DPH6: variants seen among roughly 807,000 people sequenced by gnomAD.
The protein encoded by DPH6 is diphthamine biosynthesis 6, also known as diphthine--ammonia ligase.
Under a neutral mutation model 38.2 loss-of-function variants are expected in DPH6, and 33 were observed. That is an observed-to-expected ratio of 0.86 (90% confidence interval 0.65 to 1.15). The LOEUF is 1.15. Among genes scored for constraint, DPH6 ranks in the 50% most tolerant of loss-of-function variants. DPH6 has a pLI of 0.00. For synonymous variants in DPH6, 108 were observed against 103.0 expected (o/e 1.05, Z -0.30); for missense variants, 325 against 320.0 (o/e 1.02, Z -0.12).
At chr15:35,298,781 GGGTT>G (rs1478991928) in intron 3 of DPH6, 2 of 1,275,224 alleles carry the variant, frequency 1.6e-6, no homozygotes, top group East Asian at 4.6e-5. Context: ...GCGCTGGGCC[GGGTT>G]GGAGATCTCG....
chr15:35,540,328 T>G (rs1182779987), intron 2 of DPH6, among the ~76,000 whole-genome samples: 1 of 152,114 alleles, frequency 6.6e-6, no homozygotes, highest in Non-Finnish European at 1.5e-5. Context: ...GTGAATTTTA[T>G]GACAAGTTCG....
At chr15:35,248,788 G>C (rs957147502) in intron 3 of DPH6, among the ~76,000 whole-genome samples, 32 of 152,234 alleles carry the variant, frequency 2.1e-4, no homozygotes, top group African/African-American at 7.7e-4. Context: ...CAAACAATCT[G>C]ACATATTTAA....
chr15:35,511,449 G>A (rs2054768823), intron 3 of DPH6, among the ~76,000 whole-genome samples: 1 of 152,052 alleles, frequency 6.6e-6, no homozygotes, highest in Admixed American at 6.6e-5. Context: ...AGAAAAAGGA[G>A]AGGAAAAAAG....
chr15:35,306,494 C>T (rs1035428082), intron 3 of DPH6, among the ~76,000 whole-genome samples: 38 of 152,160 alleles, frequency 2.5e-4, no homozygotes, highest in African/African-American at 9.2e-4. Flanking sequence ...GTTAGGCTAT[C>T]AGGCTTGTGT....
intron 6 of DPH6, among the ~76,000 whole-genome samples, chr15:35,391,274 G>C (rs147466646): frequency 1.6e-4 from 25 of 152,204 alleles, no homozygotes; most frequent in African/African-American, 5.5e-4. Flanking sequence ...CTCCCAGTTA[G>C]GCTACTTGGG....
At chr15:35,366,399 A>G (rs2052660933), downstream of DPH6, among the ~76,000 whole-genome samples, 1 of 151,962 alleles carries the variant, frequency 6.6e-6, no homozygotes, top group African/African-American at 2.4e-5. Flanking sequence ...GTCTCTTTCT[A>G]CCAAGACTAG....
intron 6 of DPH6, among the ~76,000 whole-genome samples, chr15:35,387,646 C>G (rs912789621): frequency 6.6e-6 from 1 of 152,068 alleles, no homozygotes; most frequent in Admixed American, 6.6e-5. Context: ...CTCTGTTTGT[C>G]TGTTATTGGT....
intron 4 of DPH6, among the ~76,000 whole-genome samples, chr15:35,453,753 A>T (rs1281236366): frequency 6.6e-6 from 1 of 151,860 alleles, no homozygotes; most frequent in Non-Finnish European, 1.5e-5. Context: ...ATTTTTTTTA[A>T]CTGCCCTAAA....
the DPH6 span, among the ~76,000 whole-genome samples, chr15:35,178,650 G>GT: frequency 2.6e-5 from 4 of 152,062 alleles, no homozygotes. Context: ...GTATACAGAA[G>GT]TTTTTTTGTT....
chr15:35,246,783 G>A (rs75076053), intron 3 of DPH6, among the ~76,000 whole-genome samples: 4,280 of 152,254 alleles, frequency 0.028, 89 homozygotes, highest in Middle Eastern at 0.044. Context: ...GAAGCTTAAC[G>A]AGGTGATAAC....
intron 3 of DPH6, among the ~76,000 whole-genome samples, chr15:35,223,770 TATTA>T (rs1014364080): frequency 1.1e-4 from 17 of 152,210 alleles, no homozygotes; most frequent in African/African-American, 3.1e-4. Context: ...AATAAATTAT[TATTA>T]ATTAAAGTAT....
chr15:35,241,251 C>A (rs1270287522), intron 3 of DPH6, among the ~76,000 whole-genome samples: 1 of 143,688 alleles, frequency 7.0e-6, no homozygotes, highest in Non-Finnish European at 1.5e-5. Flanking sequence ...AAGACTGACA[C>A]TGCCCGATCG....
intron 3 of DPH6, among the ~76,000 whole-genome samples, chr15:35,349,468 C>T (rs921810473): frequency 6.6e-6 from 1 of 152,034 alleles, no homozygotes; most frequent in African/African-American, 2.4e-5. Context: ...AAGGTCTCCC[C>T]CTCTGTCACC....
intron 2 of DPH6, among the ~76,000 whole-genome samples, chr15:35,541,628 A>G (rs1231433203): frequency 2.0e-5 from 3 of 152,288 alleles, no homozygotes; most frequent in African/African-American, 7.2e-5. Flanking sequence ...GAGAGAATAA[A>G]AAGATCTTAC....
chr15:35,221,913 G>T (rs1338694351), intron 3 of DPH6, among the ~76,000 whole-genome samples: 1 of 152,140 alleles, frequency 6.6e-6, no homozygotes, highest in Admixed American at 6.5e-5. Context: ...ATTTTGCTTA[G>T]AAATTTCTTC....
chr15:35,237,490 C>G, intron 3 of DPH6: 1 of 1,574,144 alleles, frequency 6.4e-7, no homozygotes, highest in Non-Finnish European at 8.7e-7. Flanking sequence ...TAGGCCTCAC[C>G]TCAACTGCAA....
chr15:35,510,893 T>C (rs1423679735), intron 3 of DPH6, among the ~76,000 whole-genome samples: 1 of 152,158 alleles, frequency 6.6e-6, no homozygotes, highest in Non-Finnish European at 1.5e-5. Context: ...AATTAGGTTT[T>C]AAAAGAAAAT....
chr15:35,515,722 GAAAAAAAAAAA>G (rs61568573), intron 3 of DPH6, among the ~76,000 whole-genome samples: 3 of 77,942 alleles, frequency 3.8e-5, no homozygotes, highest in South Asian at 1.3e-3. Flanking sequence ...CTCCGTCTCA[GAAAAAAAAAAA>G]AAAAAAAAAA....
chr15:35,370,742 C>T (rs1245781881), downstream of DPH6: 1 of 151,658 alleles, frequency 6.6e-6, no homozygotes, highest in Non-Finnish European at 1.5e-5. Context: ...GGTGGGAATA[C>T]AAAATAGTAC....
Sources: gnomAD v4.1 joint callset for allele counts (sites outside exome capture counted in the v4.1 genomes callset) on GRCh38, gnomAD v4.1.1 for gene constraint, MANE v1.5 for transcripts, NCBI Gene and HGNC (gene_info 2026-07-23, HGNC 2026-07-21) for gene names.